Variants in EIF2B3 observed in about 807,000 individuals in gnomAD.
EIF2B3 encodes the protein eukaryotic translation initiation factor 2B subunit gamma, also known as translation initiation factor eIF2B subunit gamma.
In EIF2B3, 20 loss-of-function variants were observed where a neutral mutation model predicts 54.1. The ratio of observed to expected loss-of-function variants is 0.37; its 90% CI spans 0.26 to 0.54. EIF2B3 has a LOEUF of 0.54. Among genes scored for constraint, EIF2B3 ranks in the 20% least tolerant of loss-of-function variants. EIF2B3 has a pLI of 0.86. For synonymous variants in EIF2B3, 153 were observed against 188.1 expected, an observed-to-expected ratio of 0.81 and a Z score of 1.52; for missense variants, 448 against 547.8, an observed-to-expected ratio of 0.82 and a Z score of 1.82.
intron 5 of EIF2B3, among the ~76,000 whole-genome samples, chr1:44,908,661 G>A (rs1643458546): frequency 6.6e-6 from 1 of 152,196 alleles, no homozygotes; most frequent in Non-Finnish European, 1.5e-5. Context: ...TTAGGAATGT[G>A]TGCTTTATTC....
At chr1:44,864,520 C>A (rs534127363) in intron 10 of EIF2B3, among the ~76,000 whole-genome samples, 3 of 152,282 alleles carry the variant, frequency 2.0e-5, no homozygotes, top group African/African-American at 7.2e-5. Context: ...CAAGATCATG[C>A]CACTGCACTC....
At chr1:44,912,884 G>C (rs1334834081) in intron 5 of EIF2B3, among the ~76,000 whole-genome samples, 1 of 152,096 alleles carries the variant, frequency 6.6e-6, no homozygotes, top group Non-Finnish European at 1.5e-5. Context: ...TACCAAAACA[G>C]TGGTTTGACC....
chr1:44,903,714 G>A (rs150050954), intron 5 of EIF2B3, among the ~76,000 whole-genome samples: 61 of 152,320 alleles, frequency 4.0e-4, no homozygotes, highest in Non-Finnish European at 7.9e-4. Context: ...CCTAGTGGGA[G>A]AACTGGTATG....
intron 10 of EIF2B3, among the ~76,000 whole-genome samples, chr1:44,870,330 A>G (rs533215308): frequency 6.6e-6 from 1 of 152,232 alleles, no homozygotes; most frequent in East Asian, 1.9e-4. Context: ...CCCTACAGGC[A>G]CTTCCTACCT....
At chr1:44,940,459 G>C (rs1644007905) in intron 4 of EIF2B3, among the ~76,000 whole-genome samples, 1 of 152,034 alleles carries the variant, frequency 6.6e-6, no homozygotes, top group Non-Finnish European at 1.5e-5. Flanking sequence ...TATAATCCTA[G>C]GAAGATAAGC....
chr1:44,933,660 A>G (rs1643917138), intron 4 of EIF2B3, among the ~76,000 whole-genome samples: 1 of 152,188 alleles, frequency 6.6e-6, no homozygotes, highest in Non-Finnish European at 1.5e-5. Context: ...AAATTCAAAA[A>G]AGAAATAGCA....
chr1:44,859,440 T>C (rs2148894071), intron 10 of EIF2B3, among the ~76,000 whole-genome samples: 1 of 152,214 alleles, frequency 6.6e-6, no homozygotes, highest in Admixed American at 6.5e-5. Context: ...GTGGATCACC[T>C]GAGGTCAGGA....
At chr1:44,967,885 A>G (rs991565163) in intron 3 of EIF2B3, among the ~76,000 whole-genome samples, 9 of 151,550 alleles carry the variant, frequency 5.9e-5, no homozygotes, top group Non-Finnish European at 1.2e-4. Flanking sequence ...TAAAAGTACA[A>G]AAATTAGTCA....
At chr1:44,859,853 T>C (rs1573680999) in intron 10 of EIF2B3, among the ~76,000 whole-genome samples, 4 of 144,746 alleles carry the variant, frequency 2.8e-5, no homozygotes, top group East Asian at 4.5e-4. Context: ...GTCTCCCGGG[T>C]TCAAGCAATT....
chr1:44,964,205 C>T (rs1285563577), intron 3 of EIF2B3, among the ~76,000 whole-genome samples: 2 of 151,258 alleles, frequency 1.3e-5, no homozygotes, highest in Admixed American at 6.6e-5. Flanking sequence ...CTTTTCACTA[C>T]GCCACCAGTA....
At position 44,919,883 on chromosome 1, in the gene EIF2B3, C is replaced by CTTTTTTT. The variant is rs1194645004; in HGVS notation, c.566+6738_566+6744dup. Among the ~76,000 whole-genome samples the CTTTTTTT allele has an allele frequency of 7.1e-4, 83 of 117,228 alleles. 6 individuals are homozygous for CTTTTTTT. The highest frequency in any genetic ancestry group is 1.4e-3 in the Non-Finnish European group (74 of 54,416). The allele number at this position is 117,228 out of a possible 152,430, so 76.9% of individuals were successfully genotyped here. A position where few individuals can be genotyped will look rare whatever the true frequency, so the allele number is the denominator to read the frequency against. On this transcript the variant is annotated intron_variant, in intron 5 of 11. Transcript: ENST00000360403. The stretch of plus-strand genomic sequence containing the variant: ...ACGCATGCGACAACATGCCTGGCTA[C>CTTTTTTT]TTTTTTTTTTTTTTTTTTAGTAGAT...
intron 5 of EIF2B3, among the ~76,000 whole-genome samples, chr1:44,918,028 C>A (rs182253887): frequency 6.7e-6 from 1 of 149,700 alleles, no homozygotes; most frequent in African/African-American, 2.4e-5. Flanking sequence ...CCGCCTCGGC[C>A]TCCCAAAGTG....
chr1:44,951,569 C>T (rs1464864312), intron 3 of EIF2B3, among the ~76,000 whole-genome samples: 1 of 152,134 alleles, frequency 6.6e-6, no homozygotes, highest in Non-Finnish European at 1.5e-5. Flanking sequence ...TAGTTATATC[C>T]TAACTCTCTG....
intron 6 of EIF2B3, among the ~76,000 whole-genome samples, chr1:44,884,298 G>A (rs1444714907): frequency 2.0e-5 from 3 of 152,012 alleles, no homozygotes; most frequent in Admixed American, 1.3e-4. Context: ...CCTGAGAGAG[G>A]GGTGAAAGTA....
In EIF2B3 at chr1:44,857,597, C is replaced by T. The variant is rs1479547088; in HGVS notation, c.1306+107G>A. The T allele has an allele frequency of 8.8e-6, 9 of 1,026,960 alleles. No individual in the cohort carries two copies. The Middle Eastern group carries it at 6.1e-4, about 69-fold the overall frequency. The allele number at this position is 1,026,960 out of a possible 1,614,324, so 63.6% of individuals were successfully genotyped here. A position where few individuals can be genotyped will look rare whatever the true frequency, so the allele number is the denominator to read the frequency against. On this transcript the variant is annotated intron_variant, in intron 11 of 11. Transcript: ENST00000360403. Reference sequence around the variant, plus strand: ...ATGGCTTTATCAATTTATGTTCTCGCCCGCAGTGTACGTATGTGCTTGTTT... The same window carrying T: ...ATGGCTTTATCAATTTATGTTCTCGTCCGCAGTGTACGTATGTGCTTGTTT...
rs550588669 is a variant in EIF2B3, at chr1:44,899,107, C to T, written c.567-1663G>A. On this transcript the variant is annotated intron_variant, in intron 5 of 11. Transcript: ENST00000360403. ...AAGTGCTGGGATTACAGGCATGAGC[C>T]ACTGCATTCAGCCTATGTCTTAAAC... is the stretch of plus-strand genomic sequence containing the variant. Among the ~76,000 whole-genome samples the T allele has an allele frequency of 2.0e-5, 3 of 152,304 alleles. No homozygotes were observed. The East Asian group carries it at 5.8e-4, about 29-fold the overall frequency.
chr1:44,917,258 C>T (rs866518860), intron 5 of EIF2B3, among the ~76,000 whole-genome samples: 1 of 152,120 alleles, frequency 6.6e-6, no homozygotes, highest in Admixed American at 6.5e-5. Flanking sequence ...CTTTGTGAGG[C>T]TAAGGCGGGC....
At chr1:44,951,389 C>T (rs762554009) in intron 3 of EIF2B3, among the ~76,000 whole-genome samples, 7 of 152,186 alleles carry the variant, frequency 4.6e-5, no homozygotes, top group Non-Finnish European at 8.8e-5. Context: ...TCCAGCAATT[C>T]TGATTCTAAC....
At chr1:44,904,137 T>G (rs1249773707) in intron 5 of EIF2B3, among the ~76,000 whole-genome samples, 1 of 152,140 alleles carries the variant, frequency 6.6e-6, no homozygotes, top group Non-Finnish European at 1.5e-5. Flanking sequence ...CCAGCTTATA[T>G]GGCTGCACAG....
Sources: gnomAD v4.1 joint callset for allele counts (sites outside exome capture counted in the v4.1 genomes callset) on GRCh38, gnomAD v4.1.1 for gene constraint, MANE v1.5 for transcripts, NCBI Gene and HGNC (gene_info 2026-07-23, HGNC 2026-07-21) for gene names.